Variants in CDKAL1 observed in about 807,000 individuals in gnomAD.
CDKAL1 encodes the protein CDKAL1 threonylcarbamoyladenosine tRNA methylthiotransferase.
A neutral mutation model predicts 68.2 loss-of-function variants in CDKAL1; 32 were observed. The observed-to-expected ratio is 0.47, with a 90% confidence interval of 0.35 to 0.63. The LOEUF is 0.63. Ranked by LOEUF, CDKAL1 falls within the 30% of genes least tolerant of loss-of-function variation. CDKAL1 has a pLI of 0.00. For synonymous variants in CDKAL1, 234 were observed against 244.3 expected, an observed-to-expected ratio of 0.96 and a Z score of 0.39; for missense variants, 606 against 696.7, an observed-to-expected ratio of 0.87 and a Z score of 1.47.
At chr6:20,990,132 A>G (rs1766715110) in intron 10 of CDKAL1, among the ~76,000 whole-genome samples, 1 of 152,094 alleles carries the variant, frequency 6.6e-6, no homozygotes, top group African/African-American at 2.4e-5. Context: ...AGTCCCAGCT[A>G]CTCAGGAGGC....
intron 8 of CDKAL1, among the ~76,000 whole-genome samples, chr6:20,789,883 C>T (rs1775824297): frequency 6.6e-6 from 1 of 152,168 alleles, no homozygotes; most frequent in East Asian, 1.9e-4. Flanking sequence ...TAAGAATCAG[C>T]TTATTTATTT....
chr6:21,173,247 G>T (rs894575235), intron 13 of CDKAL1, among the ~76,000 whole-genome samples: 1 of 151,960 alleles, frequency 6.6e-6, no homozygotes, highest in Non-Finnish European at 1.5e-5. Flanking sequence ...TTCTTAGGGT[G>T]TGGATGTTGT....
chr6:21,161,664 T>C (rs962361710), intron 13 of CDKAL1, among the ~76,000 whole-genome samples: 9 of 152,188 alleles, frequency 5.9e-5, no homozygotes, highest in Non-Finnish European at 1.3e-4. Flanking sequence ...AAAATTAAAT[T>C]TAGAGAAAAG....
intron 4 of CDKAL1, among the ~76,000 whole-genome samples, chr6:20,566,529 C>T (rs1225639237): frequency 1.4e-5 from 2 of 141,658 alleles, no homozygotes; most frequent in Non-Finnish European, 3.3e-5. Flanking sequence ...TCTGAACATT[C>T]ATTGAAAATA....
At chr6:20,952,258 C>T (rs1348754649) in intron 9 of CDKAL1, among the ~76,000 whole-genome samples, 2 of 152,078 alleles carry the variant, frequency 1.3e-5, no homozygotes, top group African/African-American at 2.4e-5. Context: ...GCGCCCGCCC[C>T]CTCTTTTTCA....
intron 5 of CDKAL1, among the ~76,000 whole-genome samples, chr6:20,659,639 C>T (rs1769193832): frequency 6.6e-6 from 1 of 152,188 alleles, no homozygotes; most frequent in Non-Finnish European, 1.5e-5. Flanking sequence ...AAATCTTCGT[C>T]TTTGATCTGT....
intron 8 of CDKAL1, among the ~76,000 whole-genome samples, chr6:20,798,917 CA>C (rs200034795): frequency 0.37 from 37,768 of 102,928 alleles, 4,425 homozygotes; most frequent in East Asian, 0.48. Context: ...TATAATAATA[CA>C]AAAAAAAAAA....
At chr6:20,949,644 T>G (rs1389426576) in intron 9 of CDKAL1, among the ~76,000 whole-genome samples, 2 of 152,178 alleles carry the variant, frequency 1.3e-5, no homozygotes, top group Non-Finnish European at 2.9e-5. Context: ...TTTTAGATTT[T>G]TGCAGATCTG....
intron 13 of CDKAL1, among the ~76,000 whole-genome samples, chr6:21,173,043 A>G (rs1353492320): frequency 7.5e-6 from 1 of 133,130 alleles, no homozygotes; most frequent in African/African-American, 2.9e-5. Flanking sequence ...TGGCTTTGCC[A>G]GTGTTTTGTC....
chr6:20,625,447 G>A (rs1014712639), intron 4 of CDKAL1, among the ~76,000 whole-genome samples: 2 of 152,146 alleles, frequency 1.3e-5, no homozygotes, highest in South Asian at 2.1e-4. Flanking sequence ...CATAGTTACC[G>A]CCTGGGCAGT....
At position 20,710,065 on chromosome 6, in the gene CDKAL1, T is replaced by G. The variant is rs141244650; in HGVS notation, c.372-29454T>G. Among the ~76,000 whole-genome samples the G allele has an allele frequency of 4.5e-4, 69 of 152,312 alleles. 1 individual carries two copies. The East Asian group carries it at 0.013, about 29-fold the overall frequency. ...CCTTTATAAATAAATTTCTAAAGAC[T>G]GTTGATTTCCTGAGCTTCAAGTTAA... On this transcript the variant is annotated intron_variant, in intron 5 of 15. Coordinates refer to ENST00000274695, the MANE Select transcript of CDKAL1 (RefSeq NM_017774.3).
At chr6:21,174,057 G>A (rs1777490135) in intron 13 of CDKAL1, among the ~76,000 whole-genome samples, 1 of 151,224 alleles carries the variant, frequency 6.6e-6, no homozygotes, top group Non-Finnish European at 1.5e-5. Flanking sequence ...GTGAGTGACA[G>A]AAAAAAAGAG....
At chr6:20,678,361 TC>T (rs1349502267) in intron 5 of CDKAL1, among the ~76,000 whole-genome samples, 1 of 152,216 alleles carries the variant, frequency 6.6e-6, no homozygotes, top group Non-Finnish European at 1.5e-5. Context: ...TGTATGTTAC[TC>T]CTTTGTCTCT....
chr6:21,173,175 A>G (rs367948556), intron 13 of CDKAL1, among the ~76,000 whole-genome samples: 1 of 151,776 alleles, frequency 6.6e-6, no homozygotes, highest in Non-Finnish European at 1.5e-5. Flanking sequence ...ATACTCTTGG[A>G]TGAGTAATTG....
At chr6:20,639,404 G>T (rs531305723) in intron 4 of CDKAL1, among the ~76,000 whole-genome samples, 6 of 152,192 alleles carry the variant, frequency 3.9e-5, no homozygotes, top group African/African-American at 1.4e-4. Flanking sequence ...TTTCAGAATG[G>T]GAGCATAGGT....
intron 9 of CDKAL1, among the ~76,000 whole-genome samples, chr6:20,932,741 T>C (rs368079904): frequency 1.9e-4 from 29 of 152,264 alleles, no homozygotes; most frequent in African/African-American, 7.0e-4. Flanking sequence ...ACCAAAAATG[T>C]TTCCCTAAAG....
intron 12 of CDKAL1, 104 bp downstream of exon 12, chr6:21,065,332 T>G (rs940773463): frequency 2.3e-6 from 2 of 883,778 alleles, no homozygotes; most frequent in East Asian, 5.8e-5. Context: ...ACCCTTAAAT[T>G]ACAAAATATG....
intron 9 of CDKAL1, among the ~76,000 whole-genome samples, chr6:20,849,863 G>C (rs1315723198): frequency 6.6e-6 from 1 of 152,066 alleles, no homozygotes; most frequent in Non-Finnish European, 1.5e-5. Flanking sequence ...TTCAAAAATA[G>C]GAAGTATCAA....
At chr6:20,682,012 G>T (rs570410047) in intron 5 of CDKAL1, among the ~76,000 whole-genome samples, 22 of 152,346 alleles carry the variant, frequency 1.4e-4, no homozygotes, top group African/African-American at 5.1e-4. Flanking sequence ...AGTGGAAGGG[G>T]CAAGGCAGCT....
Sources: allele counts gnomAD v4.1 joint callset (sites outside exome capture counted in the v4.1 genomes callset), GRCh38; gene constraint gnomAD v4.1.1; transcripts MANE v1.5; gene names NCBI Gene and HGNC (gene_info 2026-07-23, HGNC 2026-07-21).